SLC39A6: variants seen among roughly 807,000 people sequenced by gnomAD.
SLC39A6 encodes the protein zinc transporter ZIP6.
Under a neutral mutation model 63.5 loss-of-function variants are expected in SLC39A6, and 51 were observed. The observed-to-expected ratio is 0.80, with a 90% confidence interval of 0.64 to 1.01. SLC39A6 has a LOEUF of 1.01. Ranked by LOEUF, SLC39A6 falls within the 50% of genes least tolerant of loss-of-function variation. SLC39A6 has a pLI of 0.00. For synonymous variants in SLC39A6, 318 were observed against 324.7 expected (o/e 0.98, Z 0.22); for missense variants, 805 against 927.8 (o/e 0.87, Z 1.72).
Position 36,108,712 on chromosome 18 carries a change from T to C in SLC39A6, c.*881A>G, listed in dbSNP as rs958404101. On this transcript the variant is annotated 3_prime_UTR_variant, in exon 10 of 10. Transcript: ENST00000269187. ...CAAATGATACTTAGTGTAGTTTTAA[T>C]ATCCTCATATATATCAAAGTTTTAC... 5.3e-5 allele frequency: 8 copies of C among 152,310 alleles called. No individual in the cohort carries two copies. Among genetic ancestry groups the C allele is most frequent in the Admixed American group, 3.9e-4 (6 of 15,298 alleles). The allele number at this position is 152,310 out of a possible 1,614,324, so 9.4% of individuals were successfully genotyped here.
chr18:36,122,094 A>G lies in SLC39A6; in HGVS notation c.1317T>C (p.His439=). ...TAAATTGTTTGATCAATGTGAGGAC[A>G]TGTTCAACAAGAAACATGAAATACA... The part of the protein sequence containing the change: ...GGLYFMFLVE[H]VLTLIKQFKD... The change falls in exon 5 of 10, where the codon CAT becomes CAC. Residue 439 remains histidine, a synonymous_variant. Transcript: ENST00000269187. 6.2e-7 allele frequency: 1 copy of G among 1,613,940 alleles called. No individual in the cohort carries two copies. Among genetic ancestry groups the G allele is most frequent in the Non-Finnish European group, 8.5e-7 (1 of 1,179,908 alleles).
At chr18:36,124,018 AT>A (rs1048011651) in intron 3 of SLC39A6, among the ~76,000 whole-genome samples, 2,584 of 148,460 alleles carry the variant, frequency 0.017, 65 homozygotes, top group African/African-American at 0.059. Flanking sequence ...TGATAAAAGA[AT>A]TTTTTTTTTT....
At chr18:36,120,948 T>C (rs1473177917) in intron 5 of SLC39A6, among the ~76,000 whole-genome samples, 1 of 152,108 alleles carries the variant, frequency 6.6e-6, no homozygotes, top group Non-Finnish European at 1.5e-5. Context: ...TAGCTTTAAG[T>C]GTGTAATCTC....
rs771357592 is a variant in SLC39A6, at chr18:36,126,862, G to A, written c.146C>T (p.Ala49Val). 1 of 1,614,170 alleles carries A rather than the reference G, an allele frequency of 6.2e-7. No individual in the cohort carries two copies. Among genetic ancestry groups the A allele is most frequent in the African/African-American group, 1.3e-5 (1 of 75,042 alleles). Reference protein sequence around the residue: ...NWESGINVDLAISTRQYHLQQ... With the variant: ...NWESGINVDLVISTRQYHLQQ... ...TAGATGATATTGCCGTGTGGAAATT[G>A]CCAAGTCAACATTAATGCCAGATTC... Residue 49 changes from alanine to valine, a missense_variant, in exon 2 of 10, where the codon GCA (alanine) becomes GTA (valine). Around this residue, in one of 4 missense-constraint regions of SLC39A6, gnomAD observed 639 missense variants for 644.0 expected, o/e 0.99. Transcript: ENST00000269187.
At chr18:36,110,961 T>C in intron 9 of SLC39A6, 98 bp downstream of exon 9, 2 of 1,511,684 alleles carry the variant, frequency 1.3e-6, no homozygotes, top group South Asian at 2.7e-5. Flanking sequence ...TTCCACTTCC[T>C]GCTCCCCCAA....
rs1314866504 is a variant in SLC39A6 at position 36,114,379 on chromosome 18, G to A, written c.1561C>T (p.His521Tyr). Residue 521 changes from histidine (H) to tyrosine (Y), a missense_variant, in exon 7 of 10, where the codon CAT becomes TAT. By Grantham distance (83) the His-to-Tyr change is moderately conservative. Transcript: ENST00000269187. Reference sequence around the variant, plus strand: ...TTGTAGACTTCCTGTGGATGAGCATGAGCTATCATGACCTCTTCTTCTTCC... The same window carrying A: ...TTGTAGACTTCCTGTGGATGAGCATAAGCTATCATGACCTCTTCTTCTTCC... ...VLEEEEVMIA[H>Y]AHPQEVYNEY... 2.5e-6 allele frequency: 4 copies of A among 1,614,242 alleles called. No homozygotes were observed. The highest frequency in any genetic ancestry group is 1.6e-4 in the Middle Eastern group (1 of 6,062).
In SLC39A6 at chr18:36,108,757, A is replaced by G. The variant is rs150687163; in HGVS notation, c.*836T>C. On this transcript the variant is annotated 3_prime_UTR_variant, in exon 10 of 10. Coordinates refer to ENST00000269187, the MANE Select transcript of SLC39A6 (RefSeq NM_012319.4). Reference sequence around the variant, plus strand: ...TTTTACTACTCTGATAATTTTGTAAACCAGGTAACCAGAACATCCAGTCAT... The same window carrying G: ...TTTTACTACTCTGATAATTTTGTAAGCCAGGTAACCAGAACATCCAGTCAT... 1.9e-4 allele frequency: 29 copies of G among 152,280 alleles called. No individual in the cohort carries two copies. The highest frequency in any genetic ancestry group is 3.7e-4 in the Non-Finnish European group (25 of 68,004). The allele number at this position is 152,280 out of a possible 1,614,324, so 9.4% of individuals were successfully genotyped here. A position where few individuals can be genotyped will look rare whatever the true frequency, so the allele number is the denominator to read the frequency against.
intron 7 of SLC39A6, 57 bp from the exon 8 acceptor site, chr18:36,112,638 T>G (rs753238927): frequency 3.8e-6 from 5 of 1,311,902 alleles, no homozygotes; most frequent in Non-Finnish European, 5.5e-6. Context: ...TTTTTAATCT[T>G]ATCAGTATGC....
rs770342739 is a variant in SLC39A6, at chr18:36,124,517, T to C, written c.970+3A>G. On this transcript the variant is annotated splice_donor_region_variant and intron_variant, in intron 3 of 9. Coordinates refer to ENST00000269187, the MANE Select transcript of SLC39A6 (RefSeq NM_012319.4). ...TGTTTTTACATAAAAAAGGCAATTT[T>C]ACCTATTTGTAATGAATAGGTCTTT... 6.6e-7 allele frequency: 1 copy of C among 1,504,834 alleles called. No homozygotes were observed. Among genetic ancestry groups the C allele is most frequent in the Non-Finnish European group, 9.0e-7 (1 of 1,107,388 alleles). 93.2% of individuals were successfully genotyped at this position (1,504,834 alleles called of 1,614,324 possible).
rs541304997 is a variant in SLC39A6 at position 36,113,398 on chromosome 18, C to T, written c.1843+699G>A. ...ACAGACATGAGCTACCGCACCCAGCCGACTGTGCAATCGGACATTCCTCCT... is the reference window on the plus strand; with the variant it reads ...ACAGACATGAGCTACCGCACCCAGCTGACTGTGCAATCGGACATTCCTCCT... On this transcript the variant is annotated intron_variant, in intron 7 of 9. Coordinates refer to ENST00000269187, the MANE Select transcript of SLC39A6 (RefSeq NM_012319.4). 3.9e-5 allele frequency among the ~76,000 whole-genome samples: 6 copies of T among 152,196 alleles called. No homozygotes were observed. In the South Asian group the frequency reaches 6.2e-4, roughly 16 times the overall value.
intron 4 of SLC39A6, among the ~76,000 whole-genome samples, chr18:36,122,536 T>G (rs967740392): frequency 5.3e-5 from 8 of 152,216 alleles, no homozygotes; most frequent in African/African-American, 7.2e-5. Context: ...CTTGACGAAT[T>G]ACCATGGCCA....
In SLC39A6 at chr18:36,116,627, C is replaced by T. The variant is rs373663263; in HGVS notation, c.1465+47G>A. 1.7e-5 allele frequency: 22 copies of T among 1,287,224 alleles called. 1 individual carries two copies. The African/African-American group carries it at 2.9e-4, about 17-fold the overall frequency. The allele number at this position is 1,287,224 out of a possible 1,614,324, so 79.7% of individuals were successfully genotyped here. A position where few individuals can be genotyped will look rare whatever the true frequency, so the allele number is the denominator to read the frequency against. On this transcript the variant is annotated intron_variant, in intron 6 of 9. Transcript: ENST00000269187. ...ATAGTCAAGTTGCCTGCAAATCATA[C>T]AGCAATGAACTCCCTCCAGCCCTAA...
intron 5 of SLC39A6, among the ~76,000 whole-genome samples, chr18:36,119,848 C>G (rs962217645): frequency 6.6e-6 from 1 of 151,336 alleles, no homozygotes; most frequent in African/African-American, 2.4e-5. Flanking sequence ...CCACTGCACT[C>G]TAACCTGGGC....
In SLC39A6 at chr18:36,120,730, C is replaced by T. The variant is rs535304070; in HGVS notation, c.1359+1322G>A. ...CTGCTCTCAAACTCCTGGCCTCAAG[C>T]AATCCTGCTGCTTCAGCCTCCCAAA... On this transcript the variant is annotated intron_variant, in intron 5 of 9. Coordinates refer to ENST00000269187, the MANE Select transcript of SLC39A6 (RefSeq NM_012319.4). Among the ~76,000 whole-genome samples the T allele has an allele frequency of 2.6e-5, 4 of 152,222 alleles. No homozygotes were observed. In the South Asian group the frequency reaches 6.2e-4, roughly 24 times the overall value.
At chr18:36,128,503 G>C in intron 1 of SLC39A6, among the ~76,000 whole-genome samples, 1 of 152,234 alleles carries the variant, frequency 6.6e-6, no homozygotes, top group Non-Finnish European at 1.5e-5. Context: ...ATGGAGGTAC[G>C]GCGTAGAACG....
chr18:36,110,536 T>TAA (rs11381606), intron 9 of SLC39A6, among the ~76,000 whole-genome samples: 2 of 151,472 alleles, frequency 1.3e-5, no homozygotes, highest in Non-Finnish European at 2.9e-5. Flanking sequence ...AAATCTTTTT[T>TAA]AAAAAAATGA....
At position 36,122,123 on chromosome 18, in the gene SLC39A6, C is replaced by T; in HGVS notation, c.1288G>A (p.Gly430Ser). The change falls in exon 5 of 10, where the codon GGC (glycine) becomes AGC (serine). Residue 430 changes from glycine (G) to serine (S), a missense_variant. Transcript: ENST00000269187. ...STWKGLTALG[G>S]LYFMFLVEHV... ...TCAACAAGAAACATGAAATACAGGC[C>T]TCCTAGAGCTGTTAGACCCTTCCAC... 6.2e-7 allele frequency: 1 copy of T among 1,613,934 alleles called. No homozygotes were observed. Among genetic ancestry groups the T allele is most frequent in the Non-Finnish European group, 8.5e-7 (1 of 1,179,936 alleles).
At chr18:36,128,018 A>AG (rs1298079816) in intron 1 of SLC39A6, among the ~76,000 whole-genome samples, 2 of 152,222 alleles carry the variant, frequency 1.3e-5, no homozygotes, top group Non-Finnish European at 2.9e-5. Flanking sequence ...ACTGAACTTC[A>AG]TGAAAAACTC....
At chr18:36,114,954 G>A (rs1016450509) in intron 6 of SLC39A6, among the ~76,000 whole-genome samples, 7 of 152,098 alleles carry the variant, frequency 4.6e-5, no homozygotes, top group Non-Finnish European at 8.8e-5. Context: ...CAGAGAATCC[G>A]AATTATTTCA....
Sources: gnomAD v4.1 joint callset for allele counts (sites outside exome capture counted in the v4.1 genomes callset) on GRCh38, gnomAD v4.1.1 for gene constraint, gnomAD v4.1.1 regional missense constraint, MANE v1.5 for transcripts, NCBI Gene and HGNC (gene_info 2026-07-23, HGNC 2026-07-21) for gene names.